Variants in CRYBG3 observed in about 807,000 individuals in gnomAD.
CRYBG3 encodes crystallin beta-gamma domain containing 3.
CRYBG3 carries 127 observed loss-of-function variants against 244.2 expected under a neutral mutation model. The ratio of observed to expected loss-of-function variants is 0.52; its 90% CI spans 0.45 to 0.60. The LOEUF (loss-of-function observed/expected upper bound fraction) is 0.60, where lower values mean the gene tolerates loss of function less well. Among genes scored for constraint, CRYBG3 ranks in the 20% least tolerant of loss-of-function variants. The pLI is 0.00. For missense variants in CRYBG3, 3,325 were observed against 3,442.5 expected (o/e 0.97, Z 0.85); for synonymous variants, 1,132 against 1,195.8 (o/e 0.95, Z 1.10).
rs747119358 is a variant in CRYBG3, at chr3:97,873,282, G to T, written c.2088G>T (p.Gln696His). Residue 696 changes from glutamine (Q) to histidine (H), a missense_variant, in exon 4 of 22, where the codon CAG (glutamine) becomes CAT (histidine). Transcript: ENST00000389622. The stretch of plus-strand genomic sequence containing the variant: ...TCAACATTGTTGGTATTTCCTATCA[G>T]CCTAGGAAGTGTAAAGAAGAAAATG... The part of the protein sequence containing the change: ...GNVNIVGISY[Q>H]PRKCKEENVK... 1.4e-5 allele frequency: 22 copies of T among 1,535,352 alleles called. No individual in the cohort carries two copies. The highest frequency in any genetic ancestry group is 2.4e-5 in the South Asian group (2 of 83,974).
chr3:97,918,047 T>C (rs1004688805), intron 17 of CRYBG3, among the ~76,000 whole-genome samples: 4 of 152,190 alleles, frequency 2.6e-5, no homozygotes, highest in African/African-American at 9.6e-5. Context: ...CCAGTGTAAT[T>C]CTGGATTCAT....
Position 97,875,501 on chromosome 3 carries a change from T to C in CRYBG3, c.4307T>C (p.Leu1436Ser), listed in dbSNP as rs76578061. ...LLAEDMSHKRLDDRVKTHLFR... is the reference protein window; with the variant it reads ...LLAEDMSHKRSDDRVKTHLFR... ...GCTGAAGACATGTCACATAAACGGT[T>C]AGATGATAGGGTAAAAACACATTTA... Residue 1436 changes from leucine to serine, a missense_variant, in exon 4 of 22, where the codon TTA (leucine) becomes TCA (serine). By Grantham distance (145) the Leu-to-Ser change is moderately radical. Coordinates refer to ENST00000389622, the MANE Select transcript of CRYBG3 (RefSeq NM_153605.4). 16,519 of 1,286,338 alleles carry C rather than the reference T, an allele frequency of 0.013. 112 individuals carry two copies. Among genetic ancestry groups the C allele is most frequent in the Non-Finnish European group, 0.015 (14,901 of 1,022,358 alleles). 79.7% of individuals were successfully genotyped at this position (1,286,338 alleles called of 1,614,324 possible). A position where few individuals can be genotyped will look rare whatever the true frequency, so the allele number is the denominator to read the frequency against.
chr3:97,907,902 C>G (rs1213281283), intron 15 of CRYBG3, among the ~76,000 whole-genome samples: 2 of 151,442 alleles, frequency 1.3e-5, no homozygotes, highest in Admixed American at 6.6e-5. Context: ...AAATTTCCCT[C>G]TACACACTGC....
rs2039423391 is a variant in CRYBG3 at position 97,879,710 on chromosome 3, GACAA to G, written c.6857_6860del (p.Gln2286LeufsTer2). The G allele has an allele frequency of 2.5e-6, 4 of 1,600,230 alleles. No homozygotes were observed. The highest frequency in any genetic ancestry group is 2.2e-5 in the East Asian group (1 of 44,456). On this transcript the variant is annotated frameshift_variant, in exon 5 of 22. Coordinates refer to ENST00000389622, the MANE Select transcript of CRYBG3 (RefSeq NM_153605.4). LOFTEE classifies it high-confidence loss of function. ...TCCACTTTTATTATTTCAGAATGTT[GACAA>G]ACAAACTCTGAGATGTAACCCAAGA...
chr3:97,893,111 TA>T (rs1422041677), intron 11 of CRYBG3, 118 bp downstream of exon 11: 1 of 869,816 alleles, frequency 1.1e-6, no homozygotes, highest in African/African-American at 1.8e-5. Flanking sequence ...ATTCCTTCTG[TA>T]ATATGGAAAG....
chr3:97,922,074 C>T (rs2039990826), intron 17 of CRYBG3, among the ~76,000 whole-genome samples: 1 of 152,106 alleles, frequency 6.6e-6, no homozygotes, highest in African/African-American at 2.4e-5. Context: ...ATGATTCATT[C>T]TGTAGAAGGA....
intron 15 of CRYBG3, among the ~76,000 whole-genome samples, chr3:97,903,861 AAG>A (rs1467228892): frequency 6.6e-6 from 1 of 152,186 alleles, no homozygotes; most frequent in Non-Finnish European, 1.5e-5. Context: ...TACATGTGAA[AAG>A]CAAACCAGAG....
chr3:97,841,273 TGTAC>T (rs1469247765), intron 1 of CRYBG3, among the ~76,000 whole-genome samples: 7 of 150,096 alleles, frequency 4.7e-5, no homozygotes, highest in African/African-American at 1.7e-4. Flanking sequence ...TACACATATA[TGTAC>T]ATATAGGTGC....
Position 97,872,347 on chromosome 3 carries a change from A to AGATGGTT in CRYBG3, c.1153_1154insGATGGTT (p.Thr385ArgfsTer6). 1 of 1,536,008 alleles carries AGATGGTT rather than the reference A, an allele frequency of 6.5e-7. No individual in the cohort carries two copies. Among genetic ancestry groups the AGATGGTT allele is most frequent in the Non-Finnish European group, 8.7e-7 (1 of 1,146,830 alleles). ...AAATTTGGTATGTTCAGCATTGTTA[A>AGATGGTT]CAGGAAGTAACCATCGCAAAGTCCC... On this transcript the variant is annotated frameshift_variant, in exon 4 of 22. Coordinates refer to ENST00000389622, the MANE Select transcript of CRYBG3 (RefSeq NM_153605.4). LOFTEE classifies it high-confidence loss of function.
intron 14 of CRYBG3, 73 bp downstream of exon 14, chr3:97,899,336 TTA>T: frequency 1.3e-6 from 2 of 1,494,908 alleles, no homozygotes; most frequent in Non-Finnish European, 1.8e-6. Flanking sequence ...AAAACACTTT[TTA>T]AAAGTGGAGT....
Position 97,875,719 on chromosome 3 carries a change from C to T in CRYBG3, c.4525C>T (p.Pro1509Ser). 2 of 1,232,098 alleles carry T rather than the reference C, an allele frequency of 1.6e-6. No individual in the cohort carries two copies. The highest frequency in any genetic ancestry group is 2.0e-6 in the Non-Finnish European group (2 of 988,090). The allele number at this position is 1,232,098 out of a possible 1,614,324, so 76.3% of individuals were successfully genotyped here. Residue 1509 changes from proline (P) to serine (S), a missense_variant, in exon 4 of 22, where the codon CCA becomes TCA. Transcript: ENST00000389622. The stretch of plus-strand genomic sequence containing the variant: ...TGTATGTATATCTGAAAAAAACTTG[C>T]CAGGACACAGTAAAAACACACCTCT... ...SLVCISEKNL[P>S]GHSKNTPLAM...
At chr3:97,883,418 G>A (rs2039472741) in intron 7 of CRYBG3, among the ~76,000 whole-genome samples, 1 of 152,090 alleles carries the variant, frequency 6.6e-6, no homozygotes, top group South Asian at 2.1e-4. Context: ...TGTGAAATCA[G>A]GCACTATGCC....
In CRYBG3 at chr3:97,943,533, A is replaced by G. The variant is rs935949320; in HGVS notation, c.*219A>G. The G allele has an allele frequency of 2.0e-6, 1 of 492,350 alleles. No individual in the cohort carries two copies. Among genetic ancestry groups the G allele is most frequent in the East Asian group, 3.9e-5 (1 of 25,524 alleles). 30.5% of individuals were successfully genotyped at this position (492,350 alleles called of 1,614,324 possible). A position where few individuals can be genotyped will look rare whatever the true frequency, so the allele number is the denominator to read the frequency against. On this transcript the variant is annotated 3_prime_UTR_variant, in exon 22 of 22. Transcript: ENST00000389622. ...GTGTTCCTATAAAGAAAATATTATG[A>G]TATCTTGGAAAGGTTCTATTCCTGA...
intron 10 of CRYBG3, among the ~76,000 whole-genome samples, chr3:97,889,714 T>C (rs974379537): frequency 6.6e-6 from 1 of 152,114 alleles, no homozygotes; most frequent in Non-Finnish European, 1.5e-5. Context: ...AGCTAGTTAT[T>C]GAAGTGGAGA....
chr3:97,851,716 C>A (rs747549323), intron 2 of CRYBG3, among the ~76,000 whole-genome samples: 1 of 152,054 alleles, frequency 6.6e-6, no homozygotes, highest in Non-Finnish European at 1.5e-5. Flanking sequence ...TGGAGAAAGC[C>A]ATGGGGGCTA....
chr3:97,888,233 A>T, intron 8 of CRYBG3, 108 bp from the exon 9 acceptor site: 1 of 642,666 alleles, frequency 1.6e-6, no homozygotes, highest in Non-Finnish European at 2.8e-6. Context: ...TACTAGTGTA[A>T]TTCTGTGATG....
chr3:97,851,721 G>T (rs1234847243), intron 2 of CRYBG3, among the ~76,000 whole-genome samples: 1 of 152,126 alleles, frequency 6.6e-6, no homozygotes, highest in East Asian at 1.9e-4. Context: ...AAAGCCATGG[G>T]GGCTATATCC....
chr3:97,860,849 CT>C (rs1331852632), intron 2 of CRYBG3, among the ~76,000 whole-genome samples: 7 of 152,000 alleles, frequency 4.6e-5, no homozygotes, highest in African/African-American at 1.4e-4. Flanking sequence ...GTTGTTTCCT[CT>C]TTTTTTCCTG....
chr3:97,843,361 C>A, intron 2 of CRYBG3, 100 bp downstream of exon 2: 1 of 707,876 alleles, frequency 1.4e-6, no homozygotes, highest in Non-Finnish European at 2.3e-6. Flanking sequence ...TCAAAAAGAA[C>A]ACTGTATAAT....
Sources: gnomAD v4.1 joint callset for allele counts (sites outside exome capture counted in the v4.1 genomes callset) on GRCh38, gnomAD v4.1.1 for gene constraint, MANE v1.5 for transcripts, NCBI Gene and HGNC (gene_info 2026-07-23, HGNC 2026-07-21) for gene names.